Variants in CBX3 observed in about 807,000 individuals in gnomAD.
The protein encoded by CBX3 is chromobox 3.
Under a neutral mutation model 22.6 loss-of-function variants are expected in CBX3, and 5 were observed. The ratio of observed to expected loss-of-function variants is 0.22; its 90% CI spans 0.12 to 0.47. The LOEUF (loss-of-function observed/expected upper bound fraction) is 0.47, where lower values mean the gene tolerates loss of function less well. CBX3 is among the 20% of genes least tolerant of loss of function. The probability of loss-of-function intolerance (pLI) is 0.99; values close to 1 mark genes in which losing one functional copy is unlikely to be tolerated. For synonymous variants in CBX3, 50 were observed against 66.6 expected (o/e 0.75, Z 1.21); for missense variants, 83 against 208.1 (o/e 0.40, Z 3.70).
At chr7:26,210,699 A>AT (rs1463354227) in intron 4 of CBX3, 1 of 152,244 alleles carries the variant, frequency 6.6e-6, no homozygotes, top group Non-Finnish European at 1.5e-5. Context: ...AACAGTAGAA[A>AT]TTAAAACAAA....
At chr7:26,206,199 C>G (rs1383961195) in intron 2 of CBX3, 169 bp from the exon 3 acceptor site, 2 of 553,894 alleles carry the variant, frequency 3.6e-6, no homozygotes, top group East Asian at 6.0e-5. Context: ...ATAAAGCATT[C>G]TTTTATTTTA....
chr7:26,208,107 G>A (rs2128137832), intron 3 of CBX3: 1 of 219,772 alleles, frequency 4.6e-6, no homozygotes, highest in Non-Finnish European at 9.1e-6. Flanking sequence ...CATGCCTGTA[G>A]TCCCAGCTAC....
intron 4 of CBX3, among the ~76,000 whole-genome samples, chr7:26,209,042 GA>G (rs1360632328): frequency 6.9e-6 from 1 of 145,936 alleles, no homozygotes; most frequent in Non-Finnish European, 1.5e-5. Context: ...GAGTAGCTGG[GA>G]TTACAAGCGT....
At chr7:26,202,711 CAT>C in intron 1 of CBX3, 1 of 440,720 alleles carries the variant, frequency 2.3e-6, no homozygotes, top group South Asian at 3.0e-5. Context: ...TTGGAAAAGA[CAT>C]TGGTCCCCTA....
intron 2 of CBX3, among the ~76,000 whole-genome samples, chr7:26,205,385 G>T (rs769911973): frequency 3.9e-5 from 6 of 152,128 alleles, no homozygotes; most frequent in Non-Finnish European, 8.8e-5. Flanking sequence ...TCACCTTAGG[G>T]AATTAAAATA....
intron 4 of CBX3, among the ~76,000 whole-genome samples, chr7:26,211,375 G>A (rs1449467473): frequency 2.0e-5 from 3 of 152,084 alleles, no homozygotes; most frequent in East Asian, 3.8e-4. Context: ...AAAGAGGTTA[G>A]TTTTTCTGTA....
At chr7:26,211,990 T>G in intron 5 of CBX3, 92 bp from the exon 6 acceptor site, 1 of 1,200,532 alleles carries the variant, frequency 8.3e-7, no homozygotes, top group East Asian at 2.7e-5. Context: ...CTTCAATACC[T>G]TTTGTTTGGA....
chr7:26,204,231 CT>C (rs5883019), intron 2 of CBX3, among the ~76,000 whole-genome samples: 29,286 of 145,804 alleles, frequency 0.2, 4,042 homozygotes, highest in East Asian at 0.53. Context: ...TTTTGTCTGC[CT>C]TTTTTTTTTT....
chr7:26,206,441 A>G lies in CBX3; in HGVS notation c.98A>G (p.Glu33Gly). Residue 33 changes from glutamate to glycine, a missense_variant, in exon 3 of 6, where the codon GAA (glutamate) becomes GGA (glycine). This residue lies in a region of CBX3 where 59 missense variants were observed against 155.0 expected (regional missense o/e 0.38). Coordinates refer to ENST00000396386, the MANE Select transcript of CBX3 (RefSeq NM_016587.4). ...EEAEPEEFVV[E>G]KVLDRRVVNG... The stretch of plus-strand genomic sequence containing the variant: ...GCAGAGCCTGAAGAATTTGTCGTGG[A>G]AAAAGTACTAGATCGACGTGTAGTG... 1 of 1,613,960 alleles carries G rather than the reference A, an allele frequency of 6.2e-7. No individual in the cohort carries two copies. Among genetic ancestry groups the G allele is most frequent in the Non-Finnish European group, 8.5e-7 (1 of 1,179,860 alleles).
At chr7:26,207,172 T>A (rs1365050460) in intron 3 of CBX3, among the ~76,000 whole-genome samples, 1 of 152,230 alleles carries the variant, frequency 6.6e-6, no homozygotes. Flanking sequence ...GGAGATCAAT[T>A]TCCTGAGCAC....
chr7:26,212,266 A>T lies in CBX3; in HGVS notation c.*58A>T. ...TATATATATAAAAATTGGGTCTTAG[A>T]TTTTGATTTACTAGTGTGACAAAAT... On this transcript the variant is annotated 3_prime_UTR_variant, in exon 6 of 6. Coordinates refer to ENST00000396386, the MANE Select transcript of CBX3 (RefSeq NM_016587.4). The T allele has an allele frequency of 9.7e-7, 1 of 1,031,276 alleles. No individual in the cohort carries two copies. Among genetic ancestry groups the T allele is most frequent in the Non-Finnish European group, 1.2e-6 (1 of 813,014 alleles). 63.9% of individuals were successfully genotyped at this position (1,031,276 alleles called of 1,614,324 possible). A position where few individuals can be genotyped will look rare whatever the true frequency, so the allele number is the denominator to read the frequency against.
intron 4 of CBX3, among the ~76,000 whole-genome samples, chr7:26,209,222 G>A (rs2128138220): frequency 6.6e-6 from 1 of 152,098 alleles, no homozygotes; most frequent in East Asian, 1.9e-4. Context: ...TTGACGACTT[G>A]CTTTTTTAAA....
At chr7:26,203,792 A>G (rs888036790) in intron 2 of CBX3, among the ~76,000 whole-genome samples, 2 of 152,180 alleles carry the variant, frequency 1.3e-5, no homozygotes, top group African/African-American at 4.8e-5. Flanking sequence ...TTTGGCTTGT[A>G]TGTGCTCTCT....
rs1350140187 is a variant in CBX3, at chr7:26,213,163, A to G, written c.*955A>G. 3.3e-5 allele frequency: 5 copies of G among 152,794 alleles called. No individual in the cohort carries two copies. Among genetic ancestry groups the G allele is most frequent in the African/African-American group, 7.2e-5 (3 of 41,596 alleles). 9.5% of individuals were successfully genotyped at this position (152,794 alleles called of 1,614,324 possible). ...TGAACAACCTTTTGTAACCTAACCT[A>G]TTGACCTGCATGTTTTTTCTTTACC... On this transcript the variant is annotated 3_prime_UTR_variant, in exon 6 of 6. Transcript: ENST00000396386.
intron 4 of CBX3, 90 bp from the exon 5 acceptor site, chr7:26,211,572 T>C: frequency 2.8e-6 from 2 of 725,422 alleles, no homozygotes; most frequent in African/African-American, 1.8e-5. Flanking sequence ...GTCATTTCCA[T>C]CTCACTATTG....
At chr7:26,211,833 TTAGG>T (rs1443226810) in intron 5 of CBX3, 77 bp downstream of exon 5, 33 of 1,117,726 alleles carry the variant, frequency 3.0e-5, no homozygotes, top group Middle Eastern at 2.0e-4. Flanking sequence ...TTTTTCATCA[TTAGG>T]TAGGGAAAAA....
chr7:26,204,338 C>G (rs919039005), intron 2 of CBX3, among the ~76,000 whole-genome samples: 1 of 151,102 alleles, frequency 6.6e-6, no homozygotes, highest in South Asian at 2.1e-4. Context: ...TTTTGTTTTT[C>G]ATGTAGTATA....
At chr7:26,210,965 T>C (rs1784791129) in intron 4 of CBX3, among the ~76,000 whole-genome samples, 1 of 151,934 alleles carries the variant, frequency 6.6e-6, no homozygotes, top group African/African-American at 2.4e-5. Flanking sequence ...CTGGTTTATA[T>C]TAAGTACTTT....
intron 3 of CBX3, among the ~76,000 whole-genome samples, chr7:26,207,104 AT>A (rs1271479385): frequency 6.6e-6 from 1 of 152,162 alleles, no homozygotes; most frequent in Non-Finnish European, 1.5e-5. Flanking sequence ...ATCTGCTTTG[AT>A]TCTTCCCCCT....
Sources: gnomAD v4.1 joint callset for allele counts (sites outside exome capture counted in the v4.1 genomes callset) on GRCh38, gnomAD v4.1.1 for gene constraint, gnomAD v4.1.1 regional missense constraint, MANE v1.5 for transcripts, NCBI Gene and HGNC (gene_info 2026-07-23, HGNC 2026-07-21) for gene names.